Variants in BMPER observed in about 807,000 individuals in gnomAD.
The protein encoded by BMPER is BMP binding endothelial regulator, also known as BMP-binding endothelial regulator protein.
In BMPER, 45 loss-of-function variants were observed where a neutral mutation model predicts 87.3. The observed-to-expected ratio is 0.52, with a 90% CI of 0.41 to 0.66. The LOEUF (loss-of-function observed/expected upper bound fraction) is 0.66, where lower values mean the gene tolerates loss of function less well. Among genes scored for constraint, BMPER ranks in the 30% least tolerant of loss-of-function variants. The pLI is 0.00. For missense variants in BMPER, 784 were observed against 867.5 expected (o/e 0.90, Z 1.21); for synonymous variants, 326 against 316.2 (o/e 1.03, Z -0.33).
intron 2 of BMPER, among the ~76,000 whole-genome samples, chr7:33,925,130 C>T (rs1247493007): frequency 2.0e-5 from 3 of 152,200 alleles, no homozygotes; most frequent in African/African-American, 4.8e-5. Flanking sequence ...GGACATGGCC[C>T]TCCCATGTTC....
At chr7:33,935,477 G>C (rs548018766) in intron 2 of BMPER, among the ~76,000 whole-genome samples, 13 of 152,158 alleles carry the variant, frequency 8.5e-5, no homozygotes, top group Admixed American at 4.6e-4. Flanking sequence ...ACAGGGGGTT[G>C]TAATGTGCAG....
At chr7:33,917,725 T>A (rs2128603492) in intron 2 of BMPER, among the ~76,000 whole-genome samples, 1 of 152,348 alleles carries the variant, frequency 6.6e-6, no homozygotes, top group East Asian at 1.9e-4. Flanking sequence ...AAAACACGCC[T>A]TTCCAAAACA....
intron 7 of BMPER, among the ~76,000 whole-genome samples, chr7:34,051,484 T>G (rs1788144530): frequency 6.6e-6 from 1 of 152,158 alleles, no homozygotes; most frequent in Non-Finnish European, 1.5e-5. Flanking sequence ...TCCCACAGTT[T>G]CTAGATCGTC....
At chr7:33,963,329 C>CA (rs1463438917) in intron 3 of BMPER, among the ~76,000 whole-genome samples, 9 of 152,066 alleles carry the variant, frequency 5.9e-5, no homozygotes, top group Non-Finnish European at 1.2e-4. Context: ...AAGTTGAGTA[C>CA]AAAAATGGAC....
intron 11 of BMPER, among the ~76,000 whole-genome samples, chr7:34,065,199 A>ACT (rs372015069): frequency 0.043 from 3,979 of 93,412 alleles, 82 homozygotes; most frequent in Non-Finnish European, 0.047. Flanking sequence ...ACACATACAC[A>ACT]CTCACTCTCT....
intron 13 of BMPER, among the ~76,000 whole-genome samples, chr7:34,108,570 G>A (rs2127985251): frequency 6.6e-6 from 1 of 152,280 alleles, no homozygotes; most frequent in South Asian, 2.1e-4. Flanking sequence ...ATTTAAGGGT[G>A]GATGTTCCAT....
intron 3 of BMPER, among the ~76,000 whole-genome samples, chr7:33,944,313 G>A (rs1784831163): frequency 6.6e-6 from 1 of 151,930 alleles, no homozygotes. Context: ...TTACAGGTGT[G>A]TGCCACAATG....
intron 2 of BMPER, among the ~76,000 whole-genome samples, chr7:33,914,856 A>G (rs1403590421): frequency 6.6e-6 from 1 of 152,226 alleles, no homozygotes; most frequent in African/African-American, 2.4e-5. Flanking sequence ...TTTGAAGAAG[A>G]CAAAGACTAG....
intron 13 of BMPER, among the ~76,000 whole-genome samples, chr7:34,111,771 T>C (rs1460550507): frequency 6.6e-6 from 1 of 152,204 alleles, no homozygotes; most frequent in Admixed American, 6.5e-5. Flanking sequence ...TGGAGTGCAA[T>C]GGCACGATCT....
At chr7:34,057,825 A>G (rs1216157246) in intron 9 of BMPER, among the ~76,000 whole-genome samples, 1 of 138,136 alleles carries the variant, frequency 7.2e-6, no homozygotes, top group Non-Finnish European at 1.6e-5. Flanking sequence ...TATATCCAGG[A>G]GGGGGAACAC....
intron 6 of BMPER, among the ~76,000 whole-genome samples, chr7:34,026,659 A>G (rs1328370331): frequency 6.6e-6 from 1 of 152,120 alleles, no homozygotes; most frequent in Admixed American, 6.6e-5. Flanking sequence ...GTGTTTATTT[A>G]TACAAGTGCT....
intron 6 of BMPER, among the ~76,000 whole-genome samples, chr7:34,019,510 G>A (rs994221277): frequency 6.6e-6 from 1 of 152,046 alleles, no homozygotes. Context: ...ATGAGCTCAT[G>A]CAGCCTTCAT....
At chr7:34,047,408 A>G (rs1324224438) in intron 7 of BMPER, among the ~76,000 whole-genome samples, 2 of 151,968 alleles carry the variant, frequency 1.3e-5, no homozygotes, top group Non-Finnish European at 2.9e-5. Flanking sequence ...CCTCCCAAGT[A>G]GCTGGGACTA....
intron 2 of BMPER, among the ~76,000 whole-genome samples, chr7:33,920,420 G>GTT (rs58577259): frequency 0.01 from 872 of 86,290 alleles, 28 homozygotes; most frequent in South Asian, 0.014. Flanking sequence ...ACTCCGTTGT[G>GTT]TTTTTTTTTT....
intron 10 of BMPER, 59 bp downstream of exon 10, chr7:34,058,222 GCA>G (rs1393399471): frequency 4.1e-6 from 6 of 1,479,068 alleles, no homozygotes; most frequent in Non-Finnish European, 5.6e-6. Context: ...CCTGTGTGTG[GCA>G]CAGTCGCATG....
intron 2 of BMPER, among the ~76,000 whole-genome samples, chr7:33,910,799 T>C (rs1264836961): frequency 6.6e-6 from 1 of 152,172 alleles, no homozygotes; most frequent in Non-Finnish European, 1.5e-5. Flanking sequence ...ATCACAAAAA[T>C]CTAATATCGC....
At position 34,138,568 on chromosome 7, in the gene BMPER, AG is replaced by A. The variant is rs545133193; in HGVS notation, c.1746-4660del. ...CTGAACCCTGAACCTCTTGGCTGCCAGGCAAGATGCCAGGAGTGGGGCAGAT... is the reference window on the plus strand; with the variant it reads ...CTGAACCCTGAACCTCTTGGCTGCCAGCAAGATGCCAGGAGTGGGGCAGAT... On this transcript the variant is annotated intron_variant, in intron 13 of 14. Transcript: ENST00000649409. Among the ~76,000 whole-genome samples, 588 of 152,312 alleles carry A rather than the reference AG, an allele frequency of 3.9e-3. 2 individuals carry two copies. The highest frequency in any genetic ancestry group is 0.014 in the African/African-American group (574 of 41,556).
intron 3 of BMPER, among the ~76,000 whole-genome samples, chr7:33,942,087 A>G (rs1784782642): frequency 6.6e-6 from 1 of 152,068 alleles, no homozygotes; most frequent in Non-Finnish European, 1.5e-5. Flanking sequence ...ATCTAGTATT[A>G]TTCGTGGATG....
intron 6 of BMPER, among the ~76,000 whole-genome samples, chr7:34,031,299 G>A (rs1191618534): frequency 6.6e-6 from 1 of 152,088 alleles, no homozygotes; most frequent in Admixed American, 6.6e-5. Context: ...AGCATGTGCT[G>A]TTTTTCACAG....
Sources: gnomAD v4.1 joint callset for allele counts (sites outside exome capture counted in the v4.1 genomes callset) on GRCh38, gnomAD v4.1.1 for gene constraint, MANE v1.5 for transcripts, NCBI Gene and HGNC (gene_info 2026-07-23, HGNC 2026-07-21) for gene names.